Variants in GAK observed in about 807,000 individuals in gnomAD.
GAK encodes the protein cyclin-G-associated kinase.
In GAK, 79 loss-of-function variants were observed where a neutral mutation model predicts 143.9. The observed-to-expected ratio is 0.55, with a 90% CI of 0.46 to 0.66. The LOEUF is 0.66. Ranked by LOEUF, GAK falls within the 30% of genes least tolerant of loss-of-function variation. The pLI, the probability that GAK is intolerant of heterozygous loss-of-function variation, is 0.00. For synonymous variants in GAK, 881 were observed against 765.5 expected (o/e 1.15, Z -2.49); for missense variants, 1,693 against 1,779.7 (o/e 0.95, Z 0.88).
chr4:884,341 A>G (rs546240993), intron 11 of GAK: 3 of 502,590 alleles, frequency 6.0e-6, no homozygotes, highest in South Asian at 4.5e-5. Flanking sequence ...GAGACAGGAG[A>G]GACATCCGCT....
chr4:908,615 C>T (rs1721500826), intron 4 of GAK, among the ~76,000 whole-genome samples: 1 of 151,964 alleles, frequency 6.6e-6, no homozygotes, highest in Admixed American at 6.5e-5. Context: ...GACTCTGTCT[C>T]TAAGAAAAGT....
chr4:895,897 G>T (rs946837467), intron 7 of GAK, among the ~76,000 whole-genome samples: 1 of 152,200 alleles, frequency 6.6e-6, no homozygotes, highest in Non-Finnish European at 1.5e-5. Flanking sequence ...GGACGGGGCC[G>T]AGGGGAGCCT....
At chr4:893,147 G>C (rs1279329647) in intron 9 of GAK, among the ~76,000 whole-genome samples, 1 of 151,884 alleles carries the variant, frequency 6.6e-6, no homozygotes, top group Non-Finnish European at 1.5e-5. Context: ...CTCTGTGATA[G>C]GAGACTTGGG....
chr4:866,269 C>A, intron 22 of GAK, 95 bp downstream of exon 22: 1 of 1,316,406 alleles, frequency 7.6e-7, no homozygotes, highest in Non-Finnish European at 1.1e-6. Flanking sequence ...CCAGCCCCAC[C>A]ACTGCCTGAG....
In GAK at chr4:877,942, A is replaced by G. The variant is rs1237354979; in HGVS notation, c.1662-133T>C. ...GCAATGTTTTAGTTGCTCCTAACAAATCTGATGTTATAATTTTCATTTAGT... is the reference window on the plus strand; with the variant it reads ...GCAATGTTTTAGTTGCTCCTAACAAGTCTGATGTTATAATTTTCATTTAGT... On this transcript the variant is annotated intron_variant, in intron 15 of 27. Transcript: ENST00000314167. 6.2e-6 allele frequency: 4 copies of G among 646,454 alleles called. No homozygotes were observed. In the African/African-American group the frequency reaches 7.4e-5, roughly 12 times the overall value. The allele number at this position is 646,454 out of a possible 1,614,324, so 40.0% of individuals were successfully genotyped here.
intron 24 of GAK, among the ~76,000 whole-genome samples, chr4:855,468 T>A (rs1218556476): frequency 6.6e-6 from 1 of 152,220 alleles, no homozygotes; most frequent in Non-Finnish European, 1.5e-5. Context: ...AACTCATAGT[T>A]CTAAAAGATC....
intron 4 of GAK, among the ~76,000 whole-genome samples, chr4:908,405 G>A (rs1560416070): frequency 6.6e-6 from 1 of 152,310 alleles, no homozygotes; most frequent in Admixed American, 6.5e-5. Context: ...GCTCTCGCCA[G>A]CGATCCCAGC....
At chr4:858,011 A>C (rs1749596510) in intron 24 of GAK, among the ~76,000 whole-genome samples, 2 of 152,036 alleles carry the variant, frequency 1.3e-5, no homozygotes, top group South Asian at 4.1e-4. Context: ...GTGTCGTTTG[A>C]AAGTGTGCTG....
intron 24 of GAK, among the ~76,000 whole-genome samples, chr4:856,583 C>CCACAGGTGCTCACAGCTGCT (rs1560281672): frequency 0.045 from 3,282 of 73,338 alleles, 72 homozygotes; most frequent in East Asian, 0.11. Context: ...CAGCTGCTCA[C>CCACAGGTGCTCACAGCTGCT]CACCACAGGT....
At chr4:881,711 C>T (rs746726435) in intron 15 of GAK, among the ~76,000 whole-genome samples, 196 bp downstream of exon 15, 23 of 152,258 alleles carry the variant, frequency 1.5e-4, no homozygotes, top group African/African-American at 5.3e-4. Context: ...AGGACTACCG[C>T]GGCTGAGGGC....
intron 17 of GAK, 102 bp downstream of exon 17, chr4:876,988 G>A: frequency 2.6e-6 from 2 of 780,002 alleles, no homozygotes; most frequent in East Asian, 2.6e-5. Flanking sequence ...CAAACAGCGA[G>A]CACCCTGGAC....
intron 4 of GAK, among the ~76,000 whole-genome samples, chr4:907,070 G>A (rs748978594): frequency 1.1e-4 from 16 of 152,216 alleles, no homozygotes; most frequent in African/African-American, 1.7e-4. Flanking sequence ...CTGAGCCCCC[G>A]ATGCCTGCAC....
chr4:932,056 C>G lies in GAK; in HGVS notation c.132G>C (p.Arg44=). 1.3e-6 allele frequency: 2 copies of G among 1,598,886 alleles called. No homozygotes were observed. The highest frequency in any genetic ancestry group is 1.7e-6 in the Non-Finnish European group (2 of 1,174,110). Residue 44 remains arginine, a synonymous_variant, in exon 1 of 28, where the codon CGG becomes CGC. Coordinates refer to ENST00000314167, the MANE Select transcript of GAK (RefSeq NM_005255.4). The surrounding 1 kb of genome is among the most constrained non-coding windows in gnomAD (Gnocchi z 4.0). ...ELGELRLRVR[R]VLAEGGFAFV... ...CCGGGGCCTCACCTTCGGCCAGGAC[C>G]CGCCGCACCCGCAGCCGCAGCTCGC... is the stretch of plus-strand genomic sequence containing the variant.
At chr4:925,749 G>T (rs999022859) in intron 1 of GAK, among the ~76,000 whole-genome samples, 6 of 152,198 alleles carry the variant, frequency 3.9e-5, no homozygotes, top group African/African-American at 1.4e-4. Context: ...GAAGGTGCTG[G>T]ACCTCACCAG....
At chr4:912,684 C>T (rs1331564764) in intron 3 of GAK, 51 bp downstream of exon 3, 1 of 1,465,196 alleles carries the variant, frequency 6.8e-7, no homozygotes, top group Non-Finnish European at 9.5e-7. Flanking sequence ...TGACGCAGGC[C>T]TGTGCCTGCC....
intron 1 of GAK, among the ~76,000 whole-genome samples, chr4:925,061 C>CA (rs1400256747): frequency 1.3e-5 from 2 of 151,886 alleles, no homozygotes; most frequent in African/African-American, 4.8e-5. Flanking sequence ...GACTCTATCT[C>CA]AAAAAAATAA....
chr4:888,411 C>T (rs777849007), intron 11 of GAK: 6 of 175,670 alleles, frequency 3.4e-5, no homozygotes, highest in Admixed American at 5.8e-5. Flanking sequence ...CTTGGACAGC[C>T]CACCCAGAGG....
At chr4:903,793 T>A (rs182490152) in intron 5 of GAK, among the ~76,000 whole-genome samples, 1 of 151,770 alleles carries the variant, frequency 6.6e-6, no homozygotes, top group Non-Finnish European at 1.5e-5. Context: ...CGTCCACAGC[T>A]CCCCACGGAA....
Position 863,458 on chromosome 4 carries a change from T to C in GAK, c.3166+1664A>G, listed in dbSNP as rs375139864. Among the ~76,000 whole-genome samples the C allele has an allele frequency of 2.0e-3, 311 of 152,326 alleles. 12 individuals are homozygous for C. In the South Asian group the frequency reaches 0.06, roughly 30 times the overall value. On this transcript the variant is annotated intron_variant, in intron 23 of 27. Coordinates refer to ENST00000314167, the MANE Select transcript of GAK (RefSeq NM_005255.4). ...GTTTGGGAGGACGGAAGAAGCTCCA[T>C]GTGGGTAAACGCTATCCAAGAGCAC...
Sources: allele counts gnomAD v4.1 joint callset (sites outside exome capture counted in the v4.1 genomes callset), GRCh38; gene constraint gnomAD v4.1.1; non-coding constraint Gnocchi (gnomAD v3.1); transcripts MANE v1.5; gene names NCBI Gene and HGNC (gene_info 2026-07-23, HGNC 2026-07-21).